Variants in MYT1L observed in about 807,000 individuals in gnomAD.
The protein encoded by MYT1L is myelin transcription factor 1-like protein.
In MYT1L, 12 loss-of-function variants were observed where a neutral mutation model predicts 126.7. The observed-to-expected ratio is 0.09, with a 90% CI of 0.06 to 0.15. The LOEUF is 0.15. MYT1L is among the 10% of genes least tolerant of loss of function. MYT1L has a pLI of 1.00. For synonymous variants in MYT1L, 541 were observed against 604.2 expected (o/e 0.90, Z 1.53); for missense variants, 979 against 1,585.2 (o/e 0.62, Z 6.49).
intron 4 of MYT1L, among the ~76,000 whole-genome samples, chr2:2,037,741 A>G (rs2067030002): frequency 1.3e-5 from 2 of 151,810 alleles, no homozygotes; most frequent in East Asian, 1.9e-4. Context: ...TGGGAGACAG[A>G]GCCAGACTCC....
intron 2 of MYT1L, among the ~76,000 whole-genome samples, chr2:2,235,005 C>A (rs372186422): frequency 6.6e-6 from 1 of 152,164 alleles, no homozygotes; most frequent in South Asian, 2.1e-4. Flanking sequence ...TTTCACTTTC[C>A]CTTTCTTTCT....
At chr2:2,062,667 G>A (rs1225840849) in intron 3 of MYT1L, among the ~76,000 whole-genome samples, 1 of 152,090 alleles carries the variant, frequency 6.6e-6, no homozygotes, top group African/African-American at 2.4e-5. Flanking sequence ...GTCTATTTTT[G>A]TCTTGACACC....
chr2:2,042,911 A>G (rs574356187), intron 4 of MYT1L, among the ~76,000 whole-genome samples: 2 of 152,230 alleles, frequency 1.3e-5, no homozygotes, highest in Non-Finnish European at 1.5e-5. Flanking sequence ...CCCTGCAGGC[A>G]GGGTCTTCCC....
At chr2:2,064,256 T>C (rs72767359) in intron 3 of MYT1L, among the ~76,000 whole-genome samples, 6,407 of 152,280 alleles carry the variant, frequency 0.042, 204 homozygotes, top group Non-Finnish European at 0.065. Context: ...CTAGACCTGG[T>C]TGAGTTGGAG....
chr2:2,137,706 C>G (rs575664230), intron 3 of MYT1L, among the ~76,000 whole-genome samples: 1 of 152,316 alleles, frequency 6.6e-6, no homozygotes, highest in African/African-American at 2.4e-5. Flanking sequence ...GGATTAAAGA[C>G]TTAAACATTA....
chr2:1,970,047 C>G (rs1473007438), intron 8 of MYT1L, among the ~76,000 whole-genome samples: 1 of 152,204 alleles, frequency 6.6e-6, no homozygotes, highest in Non-Finnish European at 1.5e-5. Flanking sequence ...TCCTCTAAAT[C>G]TTTACTAATT....
In MYT1L at chr2:1,943,279, CCTGGGG is replaced by C; in HGVS notation, c.202_207del (p.Pro68_Gln69del). On this transcript the variant is annotated inframe_deletion, in exon 9 of 25. Coordinates refer to ENST00000647738, the MANE Select transcript of MYT1L (RefSeq NM_001303052.2). The surrounding 1 kb of genome is among the most constrained non-coding windows in gnomAD (Gnocchi z 4.4). Reference sequence around the variant, plus strand: ...AATGGCTTTCGTTTAGGAGCAGGTTCCTGGGGCTGTTTATCTTGTGTTTTTCTTTTT... The same window carrying C: ...AATGGCTTTCGTTTAGGAGCAGGTTCCTGTTTATCTTGTGTTTTTCTTTTT... The C allele has an allele frequency of 1.9e-6, 3 of 1,566,088 alleles. No individual in the cohort carries two copies.
chr2:1,854,143 T>C (rs2043621108), intron 18 of MYT1L, among the ~76,000 whole-genome samples: 1 of 152,190 alleles, frequency 6.6e-6, no homozygotes, highest in Non-Finnish European at 1.5e-5. Context: ...AATAAAATAA[T>C]TGATGACTCT....
chr2:2,097,862 A>T (rs2077617236), intron 3 of MYT1L, among the ~76,000 whole-genome samples: 1 of 152,064 alleles, frequency 6.6e-6, no homozygotes, highest in South Asian at 2.1e-4. Flanking sequence ...GTGGGAGGTG[A>T]TTGTATCACT....
intron 2 of MYT1L, among the ~76,000 whole-genome samples, chr2:2,218,049 AT>A (rs1393301360): frequency 6.6e-6 from 1 of 152,218 alleles, no homozygotes; most frequent in East Asian, 1.9e-4. Flanking sequence ...AATGCTAATA[AT>A]AAAAAGACCA....
chr2:1,869,836 C>A (rs1339815629), intron 18 of MYT1L, among the ~76,000 whole-genome samples: 3 of 150,214 alleles, frequency 2.0e-5, no homozygotes, highest in African/African-American at 4.8e-5. Flanking sequence ...AAGCCAGGAG[C>A]TCCCAAGGCT....
At chr2:1,851,811 T>C in intron 18 of MYT1L, 108 bp from the exon 19 acceptor site, 1 of 1,072,048 alleles carries the variant, frequency 9.3e-7, no homozygotes, top group South Asian at 1.4e-5. Context: ...CTTCACTTCC[T>C]ACTTGAAAGA....
intron 4 of MYT1L, among the ~76,000 whole-genome samples, chr2:2,028,243 A>G (rs926826067): frequency 3.3e-5 from 5 of 152,356 alleles, no homozygotes; most frequent in African/African-American, 1.2e-4. Flanking sequence ...GAGTGAGCAC[A>G]TGCTCGTAGC....
intron 3 of MYT1L, among the ~76,000 whole-genome samples, chr2:2,086,370 T>C (rs1389569401): frequency 6.6e-6 from 1 of 152,254 alleles, no homozygotes; most frequent in Non-Finnish European, 1.5e-5. Flanking sequence ...TTAAACATTA[T>C]TTTTAATACT....
chr2:2,131,638 C>T (rs868811546), intron 3 of MYT1L, among the ~76,000 whole-genome samples: 12 of 151,926 alleles, frequency 7.9e-5, no homozygotes, highest in African/African-American at 2.4e-4. Flanking sequence ...TGAGGTGGGG[C>T]CATGGACACA....
chr2:2,277,937 C>A (rs970099339), intron 2 of MYT1L, among the ~76,000 whole-genome samples: 2 of 152,136 alleles, frequency 1.3e-5, no homozygotes, highest in African/African-American at 4.8e-5. Context: ...CTTTAGAAAT[C>A]CATCCAATGT....
intron 19 of MYT1L, chr2:1,841,399 C>T (rs940936302): frequency 2.0e-5 from 3 of 152,924 alleles, no homozygotes; most frequent in East Asian, 3.9e-4. Context: ...CTCCTGACCT[C>T]GTAATCCGCC....
chr2:1,967,493 C>T (rs1482949488), intron 8 of MYT1L, among the ~76,000 whole-genome samples: 1 of 152,210 alleles, frequency 6.6e-6, no homozygotes, highest in Non-Finnish European at 1.5e-5. Flanking sequence ...CTTTGCTGCG[C>T]CTTCACATCC....
In MYT1L at chr2:1,929,142, C is replaced by T. The variant is rs913791033; in HGVS notation, c.506-5879G>A. Among the ~76,000 whole-genome samples, 7 of 152,152 alleles carry T rather than the reference C, an allele frequency of 4.6e-5. No homozygotes were observed. Among genetic ancestry groups the T allele is most frequent in the African/African-American group, 1.7e-4 (7 of 41,432 alleles). On this transcript the variant is annotated intron_variant, in intron 9 of 24. Transcript: ENST00000647738. This position sits in a 1 kb window ranked among gnomAD's most constrained non-coding sequence, Gnocchi z 4.7. The stretch of plus-strand genomic sequence containing the variant: ...GCCCCAGGCGCATGCTGAGACACTG[C>T]AGTCTCTTTCCTTTCATAAGAGGGG...
Sources: gnomAD v4.1 joint callset for allele counts (sites outside exome capture counted in the v4.1 genomes callset) on GRCh38, gnomAD v4.1.1 for gene constraint, Gnocchi (gnomAD v3.1) non-coding constraint, MANE v1.5 for transcripts, NCBI Gene and HGNC (gene_info 2026-07-23, HGNC 2026-07-21) for gene names.